The following L3MBTL3 variants were observed in gnomAD, a reference collection of about 807,000 sequenced individuals.
The protein encoded by L3MBTL3 is lethal(3)malignant brain tumor-like protein 3.
Under a neutral mutation model 102.3 loss-of-function variants are expected in L3MBTL3, and 27 were observed. The ratio of observed to expected loss-of-function variants is 0.26; its 90% CI spans 0.19 to 0.36. The LOEUF is 0.36. Among genes scored for constraint, L3MBTL3 ranks in the 10% least tolerant of loss-of-function variants. The probability of loss-of-function intolerance (pLI) is 1.00; values close to 1 mark genes in which losing one functional copy is unlikely to be tolerated. For synonymous variants in L3MBTL3, 340 were observed against 320.9 expected (o/e 1.06, Z -0.64); for missense variants, 798 against 955.3 (o/e 0.84, Z 2.17).
At chr6:130,093,263 T>C (rs1336984463) in intron 17 of L3MBTL3, among the ~76,000 whole-genome samples, 1 of 152,190 alleles carries the variant, frequency 6.6e-6, no homozygotes, top group Non-Finnish European at 1.5e-5. Context: ...TTATGTATTA[T>C]TATTTACAAC....
chr6:130,102,483 A>G (rs1262847455), intron 18 of L3MBTL3, among the ~76,000 whole-genome samples: 1 of 152,200 alleles, frequency 6.6e-6, no homozygotes, highest in Non-Finnish European at 1.5e-5. Flanking sequence ...TTAAAATTGT[A>G]AATCAAACCT....
At chr6:130,081,245 C>T (rs1439606115) in intron 14 of L3MBTL3, among the ~76,000 whole-genome samples, 2 of 151,998 alleles carry the variant, frequency 1.3e-5, no homozygotes, top group Non-Finnish European at 2.9e-5. Context: ...ATGGTTTGTC[C>T]TTATGTGTTT....
At chr6:130,128,960 C>T (rs539640684) in intron 20 of L3MBTL3, among the ~76,000 whole-genome samples, 3 of 152,220 alleles carry the variant, frequency 2.0e-5, no homozygotes, top group African/African-American at 4.8e-5. Flanking sequence ...GGTAGAGGCA[C>T]CTCTTACTGG....
At chr6:130,118,169 A>T (rs931724863) in intron 19 of L3MBTL3, among the ~76,000 whole-genome samples, 6 of 152,156 alleles carry the variant, frequency 3.9e-5, no homozygotes, top group Admixed American at 3.9e-4. Flanking sequence ...TTAGAAAAAC[A>T]CAAGTGTAAA....
At chr6:130,064,689 G>A (rs1002563091) in intron 10 of L3MBTL3, among the ~76,000 whole-genome samples, 3 of 152,116 alleles carry the variant, frequency 2.0e-5, no homozygotes, top group Admixed American at 1.3e-4. Flanking sequence ...TGTGTCTATG[G>A]GAGGTAGAGT....
At chr6:130,129,950 A>C (rs2114385680) in intron 20 of L3MBTL3, among the ~76,000 whole-genome samples, 1 of 152,354 alleles carries the variant, frequency 6.6e-6, no homozygotes. Flanking sequence ...AATTTGCTCA[A>C]ATGAAGCTGC....
intron 3 of L3MBTL3, 133 bp from the exon 4 acceptor site, chr6:130,049,149 C>A: frequency 1.7e-6 from 1 of 604,104 alleles, no homozygotes. Context: ...GGAGGTGTAT[C>A]AGGATATAAT....
rs546525105 is a variant in L3MBTL3 at position 130,095,359 on chromosome 6, T to C, written c.1736+992T>C. On this transcript the variant is annotated intron_variant, in intron 18 of 22. Coordinates refer to ENST00000361794, the MANE Select transcript of L3MBTL3 (RefSeq NM_032438.4). ...TTTTTTTCATCTCTGCAACCTCAAA[T>C]CTTCCTTTTTCGAACAACTCTCCTT... Among the ~76,000 whole-genome samples the C allele has an allele frequency of 1.3e-4, 20 of 152,328 alleles. 1 individual carries two copies. In the South Asian group the frequency reaches 4.1e-3, roughly 32 times the overall value.
At chr6:130,042,371 T>C (rs1361668997) in intron 2 of L3MBTL3, among the ~76,000 whole-genome samples, 1 of 152,230 alleles carries the variant, frequency 6.6e-6, no homozygotes, top group Non-Finnish European at 1.5e-5. Context: ...TCTATCCATA[T>C]GGCATTATGA....
chr6:130,089,515 C>T (rs536581399), intron 16 of L3MBTL3, among the ~76,000 whole-genome samples: 2 of 151,940 alleles, frequency 1.3e-5, no homozygotes, highest in African/African-American at 2.4e-5. Flanking sequence ...TGAATAGTGC[C>T]GCAATAAACA....
At chr6:130,018,846 T>C (rs1778731181) in intron 1 of L3MBTL3, among the ~76,000 whole-genome samples, 182 bp downstream of exon 1, 1 of 152,082 alleles carries the variant, frequency 6.6e-6, no homozygotes, top group Non-Finnish European at 1.5e-5. Context: ...TCTCCCCCAC[T>C]TCTCTGCGCC....
intron 20 of L3MBTL3, among the ~76,000 whole-genome samples, chr6:130,132,392 G>A (rs1268516735): frequency 6.6e-6 from 1 of 152,206 alleles, no homozygotes; most frequent in African/African-American, 2.4e-5. Flanking sequence ...TTTTCAGTCA[G>A]GGTGTTGGTT....
At position 130,139,794 on chromosome 6, in the gene L3MBTL3, G is replaced by C; in HGVS notation, c.*41G>C. ...AATACCATCAGCATTCTGCTTTAAA[G>C]CTCATGTTTTATTCAAAGCACAAGG... On this transcript the variant is annotated 3_prime_UTR_variant, in exon 23 of 23. Coordinates refer to ENST00000361794, the MANE Select transcript of L3MBTL3 (RefSeq NM_032438.4). 6.3e-7 allele frequency: 1 copy of C among 1,597,046 alleles called. No individual in the cohort carries two copies. Among genetic ancestry groups the C allele is most frequent in the Non-Finnish European group, 8.6e-7 (1 of 1,169,478 alleles).
chr6:130,073,632 TTTG>T (rs1448285752), intron 13 of L3MBTL3, among the ~76,000 whole-genome samples: 2 of 152,130 alleles, frequency 1.3e-5, no homozygotes, highest in African/African-American at 4.8e-5. Context: ...ATGCGTTGCC[TTTG>T]AAAACATTCA....
At chr6:130,111,186 C>T (rs138319928) in intron 19 of L3MBTL3, among the ~76,000 whole-genome samples, 250 of 152,244 alleles carry the variant, frequency 1.6e-3, no homozygotes, top group African/African-American at 5.6e-3. Context: ...CAGGGAAGGG[C>T]AGACAGCCAG....
Position 130,104,519 on chromosome 6 carries a change from A to G in L3MBTL3, c.1830A>G (p.Ser610=). 1 of 1,594,948 alleles carries G rather than the reference A, an allele frequency of 6.3e-7. No homozygotes were observed. ...LSGEMPPASP[S]FPRNKRTDAN... ...GTGAGATGCCTCCGGCTAGTCCGTC[A>G]TTTCCAAGAAATAAAAGGACAGATG... Residue 610 remains serine (S), a synonymous_variant, in exon 19 of 23, where the codon TCA becomes TCG. Coordinates refer to ENST00000361794, the MANE Select transcript of L3MBTL3 (RefSeq NM_032438.4).
chr6:130,090,360 T>A (rs1285280723), intron 16 of L3MBTL3, among the ~76,000 whole-genome samples: 1 of 152,186 alleles, frequency 6.6e-6, no homozygotes, highest in Non-Finnish European at 1.5e-5. Context: ...TAATGTCGTT[T>A]AAGTGCTCGA....
chr6:130,049,722 T>C, intron 4 of L3MBTL3, 34 bp from the exon 5 acceptor site: 1 of 1,613,552 alleles, frequency 6.2e-7, no homozygotes, highest in East Asian at 2.2e-5. Context: ...AACTAACACC[T>C]ATATGCTGAT....
chr6:130,079,547 C>T (rs1049063147), intron 14 of L3MBTL3, among the ~76,000 whole-genome samples: 10 of 152,196 alleles, frequency 6.6e-5, no homozygotes, highest in African/African-American at 2.4e-4. Context: ...TATGAAAAGA[C>T]AGGATCATCA....
Sources: allele counts gnomAD v4.1 joint callset (sites outside exome capture counted in the v4.1 genomes callset), GRCh38; gene constraint gnomAD v4.1.1; transcripts MANE v1.5; gene names NCBI Gene and HGNC (gene_info 2026-07-23, HGNC 2026-07-21).